Variants in FGF10 observed in about 807,000 individuals in gnomAD.
The protein encoded by FGF10 is FGF-10.
FGF10 carries 2 observed loss-of-function variants against 19.8 expected under a neutral mutation model. The observed-to-expected ratio is 0.10, with a 90% CI of 0.04 to 0.32. FGF10 has a LOEUF of 0.32. FGF10 is among the 10% of genes least tolerant of loss of function. The probability of loss-of-function intolerance (pLI) is 1.00; values close to 1 mark genes in which losing one functional copy is unlikely to be tolerated. For synonymous variants in FGF10, 112 were observed against 94.0 expected, an observed-to-expected ratio of 1.19 and a Z score of -1.10; for missense variants, 191 against 246.3, an observed-to-expected ratio of 0.78 and a Z score of 1.50.
intron 1 of FGF10, among the ~76,000 whole-genome samples, chr5:44,345,218 C>A (rs962059775): frequency 6.6e-6 from 1 of 151,580 alleles, no homozygotes; most frequent in Non-Finnish European, 1.5e-5. Flanking sequence ...CCAAAACAAA[C>A]AATATACTGC....
At chr5:44,356,245 T>A (rs1550937) in intron 1 of FGF10, among the ~76,000 whole-genome samples, 99,921 of 151,256 alleles carry the variant, frequency 0.66, 33,212 homozygotes, top group South Asian at 0.71. Context: ...TCTTACACTC[T>A]GTTATCAACA....
At chr5:44,328,511 A>C (rs1218481809) in intron 1 of FGF10, among the ~76,000 whole-genome samples, 1 of 152,176 alleles carries the variant, frequency 6.6e-6, no homozygotes, top group African/African-American at 2.4e-5. Context: ...TAATCCCAGC[A>C]CTTTGGGAAG....
chr5:44,335,099 G>A (rs1740817284), intron 1 of FGF10, among the ~76,000 whole-genome samples: 1 of 151,974 alleles, frequency 6.6e-6, no homozygotes, highest in Non-Finnish European at 1.5e-5. Context: ...AGCAAGACAG[G>A]AACATATAAA....
At chr5:44,334,319 T>A (rs1367598659) in intron 1 of FGF10, among the ~76,000 whole-genome samples, 2 of 152,058 alleles carry the variant, frequency 1.3e-5, no homozygotes, top group Non-Finnish European at 2.9e-5. Context: ...TTCTTCTCAT[T>A]CTTTCATAGA....
chr5:44,378,372 G>A (rs1741911618), intron 1 of FGF10, among the ~76,000 whole-genome samples: 1 of 152,090 alleles, frequency 6.6e-6, no homozygotes, highest in Non-Finnish European at 1.5e-5. Flanking sequence ...AAAGAACCAG[G>A]CCTCTAACTT....
chr5:44,337,451 A>T (rs574277774), intron 1 of FGF10, among the ~76,000 whole-genome samples: 1 of 152,318 alleles, frequency 6.6e-6, no homozygotes, highest in East Asian at 1.9e-4. Flanking sequence ...TAGAAAGATA[A>T]GTATTAAAAA....
At chr5:44,305,820 G>T (rs954140966) in intron 2 of FGF10, among the ~76,000 whole-genome samples, 1 of 152,112 alleles carries the variant, frequency 6.6e-6, no homozygotes, top group African/African-American at 2.4e-5. Context: ...TTTTGCTCGT[G>T]AACTCTAGGG....
chr5:44,313,148 T>C (rs1029458270), intron 1 of FGF10, among the ~76,000 whole-genome samples: 1 of 152,090 alleles, frequency 6.6e-6, no homozygotes, highest in African/African-American at 2.4e-5. Context: ...CATAGGTGAT[T>C]TAATATCCTT....
At chr5:44,385,368 G>A (rs1182791794) in intron 1 of FGF10, among the ~76,000 whole-genome samples, 1 of 152,128 alleles carries the variant, frequency 6.6e-6, no homozygotes, top group African/African-American at 2.4e-5. Flanking sequence ...GAAAGTAGAA[G>A]TTAAAAATGA....
At chr5:44,307,193 C>T (rs1740099172) in intron 2 of FGF10, among the ~76,000 whole-genome samples, 1 of 152,050 alleles carries the variant, frequency 6.6e-6, no homozygotes, top group South Asian at 2.1e-4. Flanking sequence ...CTTTTTATTT[C>T]AGATGTTTTA....
intron 1 of FGF10, among the ~76,000 whole-genome samples, chr5:44,343,514 G>A (rs967924915): frequency 5.3e-5 from 8 of 151,942 alleles, no homozygotes; most frequent in African/African-American, 1.9e-4. Context: ...TATATGAGAT[G>A]CTTCTGAGGT....
intron 1 of FGF10, among the ~76,000 whole-genome samples, chr5:44,349,655 C>A (rs1160436767): frequency 7.0e-6 from 1 of 142,024 alleles, no homozygotes; most frequent in Non-Finnish European, 1.6e-5. Flanking sequence ...TGATATTCTA[C>A]TTTTGCTAAG....
intron 1 of FGF10, among the ~76,000 whole-genome samples, chr5:44,384,107 A>G (rs1318396741): frequency 1.3e-5 from 2 of 152,124 alleles, no homozygotes; most frequent in Admixed American, 1.3e-4. Flanking sequence ...GTCATATATC[A>G]GAAGTTTCTG....
intron 1 of FGF10, among the ~76,000 whole-genome samples, chr5:44,378,355 A>G (rs1741911469): frequency 6.6e-6 from 1 of 152,152 alleles, no homozygotes; most frequent in Non-Finnish European, 1.5e-5. Flanking sequence ...TCTTCTACCA[A>G]TTTCTTAAAG....
In FGF10 at chr5:44,302,155, A is replaced by G. The variant is rs1739977769; in HGVS notation, c.*2840T>C. On this transcript the variant is annotated 3_prime_UTR_variant, in exon 3 of 3. Coordinates refer to ENST00000264664, the MANE Select transcript of FGF10 (RefSeq NM_004465.2). ...TTCAGTAGTTGCAAAAGGGACCAGA[A>G]TTCTATTTCCATTTCAAGCAAATAT... Among the ~76,000 whole-genome samples, 1 of 151,912 alleles carries G rather than the reference A, an allele frequency of 6.6e-6. No individual in the cohort carries two copies. The highest frequency in any genetic ancestry group is 6.6e-5 in the Admixed American group (1 of 15,226).
intron 1 of FGF10, among the ~76,000 whole-genome samples, chr5:44,313,654 A>G (rs1463273706): frequency 6.6e-6 from 1 of 151,848 alleles, no homozygotes; most frequent in East Asian, 1.9e-4. Context: ...CACATGAATT[A>G]TATTTCCCAT....
At position 44,388,876 on chromosome 5, in the gene FGF10, T is replaced by G; in HGVS notation, c.-194A>C. The G allele has an allele frequency of 3.1e-6, 2 of 655,198 alleles. No individual in the cohort carries two copies. Among genetic ancestry groups the G allele is most frequent in the Non-Finnish European group, 5.5e-6 (2 of 360,436 alleles). The allele number at this position is 655,198 out of a possible 1,614,324, so 40.6% of individuals were successfully genotyped here. A position where few individuals can be genotyped will look rare whatever the true frequency, so the allele number is the denominator to read the frequency against. ...AAAGCCGGCTGACTCCCCTCGCTCC[T>G]TTCTCGGATCCGCTGCCTACGCCTC... On this transcript the variant is annotated 5_prime_UTR_variant, in exon 1 of 3. Transcript: ENST00000264664.
At chr5:44,363,747 A>C (rs1741543526) in intron 1 of FGF10, among the ~76,000 whole-genome samples, 1 of 151,880 alleles carries the variant, frequency 6.6e-6, no homozygotes, top group Admixed American at 6.6e-5. Context: ...CTATGTCATT[A>C]AGAAATCTAT....
chr5:44,342,666 G>A (rs1740996551), intron 1 of FGF10, among the ~76,000 whole-genome samples: 1 of 151,814 alleles, frequency 6.6e-6, no homozygotes, highest in African/African-American at 2.4e-5. Flanking sequence ...TCGTTACCTT[G>A]CCCACACTAA....
Sources: gnomAD v4.1 joint callset for allele counts (sites outside exome capture counted in the v4.1 genomes callset) on GRCh38, gnomAD v4.1.1 for gene constraint, MANE v1.5 for transcripts, NCBI Gene and HGNC (gene_info 2026-07-23, HGNC 2026-07-21) for gene names.